RIMOC1: variants seen among roughly 807,000 people sequenced by gnomAD.
RIMOC1 encodes the protein RAB7A interacting MON1-CCZ1 complex subunit 1.
At chr5:41,904,440 C>A in the RIMOC1 span, 1 of 1,614,084 alleles carries the variant, frequency 6.2e-7, no homozygotes, top group Non-Finnish European at 8.5e-7. Context: ...CCACATACAG[C>A]AACTTAGCGA....
the RIMOC1 span, chr5:41,917,218 T>G: frequency 6.2e-7 from 1 of 1,613,740 alleles, no homozygotes; most frequent in Non-Finnish European, 8.5e-7. Context: ...TATCTGTGTG[T>G]GAAGGACCCC....
chr5:41,917,865 T>A, the RIMOC1 span: 24 of 785,980 alleles, frequency 3.1e-5, no homozygotes, highest in Non-Finnish European at 3.7e-5. Context: ...GTATTACTAA[T>A]TGTATTTAAA....
chr5:41,904,496 C>T, the RIMOC1 span: 6 of 1,597,462 alleles, frequency 3.8e-6, no homozygotes, highest in South Asian at 3.3e-5. Flanking sequence ...GGGAGGCGGG[C>T]GGGGCAGACG....
chr5:41,911,425 A>G, the RIMOC1 span: 1 of 236,716 alleles, frequency 4.2e-6, no homozygotes, highest in East Asian at 9.1e-5. Context: ...TAAATATAAG[A>G]TAAACTATAT....
chr5:41,918,943 T>A, the RIMOC1 span: 1 of 167,242 alleles, frequency 6.0e-6, no homozygotes, highest in Non-Finnish European at 1.2e-5. Flanking sequence ...CCACAAAGTG[T>A]TGTCTCACTT....
At chr5:41,904,563 C>A in the RIMOC1 span, 1 of 1,200,774 alleles carries the variant, frequency 8.3e-7, no homozygotes, top group Non-Finnish European at 1.2e-6. Context: ...GCCTGTGTTC[C>A]TTTGGGTCCC....
the RIMOC1 span, among the ~76,000 whole-genome samples, chr5:41,907,159 T>C: frequency 6.6e-6 from 1 of 152,182 alleles, no homozygotes; most frequent in Non-Finnish European, 1.5e-5. Flanking sequence ...TTCCAGGTTT[T>C]GAGGAAATGA....
At chr5:41,908,162 A>T in the RIMOC1 span, 1 of 196,906 alleles carries the variant, frequency 5.1e-6, no homozygotes, top group East Asian at 1.5e-4. Context: ...GGAGCAGGGG[A>T]GTATATAAGG....
chr5:41,918,188 G>A, the RIMOC1 span: 1 of 985,758 alleles, frequency 1.0e-6, no homozygotes. Context: ...CTGATACCTT[G>A]GACTTCTGCC....
the RIMOC1 span, among the ~76,000 whole-genome samples, chr5:41,908,968 A>G: frequency 6.6e-6 from 1 of 152,184 alleles, no homozygotes; most frequent in Non-Finnish European, 1.5e-5. Context: ...ACTGGGTGCT[A>G]GGTAACGTTT....
the RIMOC1 span, chr5:41,917,523 C>G: frequency 8.3e-7 from 1 of 1,211,540 alleles, no homozygotes; most frequent in Non-Finnish European, 1.0e-6. Flanking sequence ...TGTTCAAACT[C>G]ACCTTAAAAT....
At chr5:41,920,808 C>T in the RIMOC1 span, 1 of 152,266 alleles carries the variant, frequency 6.6e-6, no homozygotes, top group East Asian at 1.9e-4. Context: ...TTTATCATTT[C>T]AGCTACACAT....
At chr5:41,904,635 A>G in the RIMOC1 span, among the ~76,000 whole-genome samples, 4 of 152,022 alleles carry the variant, frequency 2.6e-5, no homozygotes, top group Admixed American at 1.3e-4. Context: ...TCGATTGCCC[A>G]CTTCCCAGAA....
the RIMOC1 span, chr5:41,909,950 T>C: frequency 7.5e-7 from 1 of 1,336,418 alleles, no homozygotes; most frequent in Non-Finnish European, 1.0e-6. Context: ...GCTGTCCTGC[T>C]TTTTGGAGTC....
chr5:41,916,351 A>G, the RIMOC1 span: 1 of 846,224 alleles, frequency 1.2e-6, no homozygotes, highest in Non-Finnish European at 1.4e-6. Context: ...TGCACCATAA[A>G]TATTTAATTA....
chr5:41,912,760 G>A, the RIMOC1 span, among the ~76,000 whole-genome samples: 1 of 152,122 alleles, frequency 6.6e-6, no homozygotes, highest in Non-Finnish European at 1.5e-5. Flanking sequence ...TCAACACCTG[G>A]GGATTATGAT....
At chr5:41,909,881 A>C in the RIMOC1 span, 16 of 1,576,574 alleles carry the variant, frequency 1.0e-5, no homozygotes, top group South Asian at 1.8e-4. Context: ...GGAAAATAAT[A>C]TGCATCCAAA....
the RIMOC1 span, chr5:41,920,607 G>C: frequency 6.6e-6 from 1 of 152,180 alleles, no homozygotes; most frequent in Non-Finnish European, 1.5e-5. Flanking sequence ...AGGGTAAGGG[G>C]CTAGTGTGAT....
chr5:41,911,232 A>G, the RIMOC1 span: 1 of 1,551,452 alleles, frequency 6.4e-7, no homozygotes, highest in South Asian at 1.2e-5. Context: ...GAGGTTTCAA[A>G]AAGCTGTCTT....
Sources: allele counts gnomAD v4.1 joint callset (sites outside exome capture counted in the v4.1 genomes callset), GRCh38; gene constraint gnomAD v4.1.1; transcripts MANE v1.5; gene names NCBI Gene and HGNC (gene_info 2026-07-23, HGNC 2026-07-21).